The following RFX6 variants were observed in gnomAD, a reference collection of about 807,000 sequenced individuals.
The protein encoded by RFX6 is DNA-binding protein RFX6.
A neutral mutation model predicts 110.8 loss-of-function variants in RFX6; 50 were observed. The ratio of observed to expected loss-of-function variants is 0.45; its 90% confidence interval spans 0.36 to 0.57. RFX6 has a LOEUF of 0.57. Ranked by LOEUF, RFX6 falls within the 20% of genes least tolerant of loss-of-function variation. The pLI is 0.00. For missense variants in RFX6, 990 were observed against 1,127.0 expected (o/e 0.88, Z 1.74); for synonymous variants, 383 against 411.2 (o/e 0.93, Z 0.83).
At chr6:116,893,637 T>C (rs940555120) in intron 4 of RFX6, among the ~76,000 whole-genome samples, 5 of 152,334 alleles carry the variant, frequency 3.3e-5, no homozygotes, top group African/African-American at 1.2e-4. Context: ...AAATTCATGT[T>C]GAATCACCCA....
chr6:116,905,448 A>G (rs1479942923), intron 6 of RFX6, among the ~76,000 whole-genome samples: 1 of 152,174 alleles, frequency 6.6e-6, no homozygotes, highest in Non-Finnish European at 1.5e-5. Context: ...TTAATCCCTT[A>G]TGAAACATGA....
At chr6:116,887,315 T>A (rs1193566905) in intron 4 of RFX6, among the ~76,000 whole-genome samples, 1 of 152,094 alleles carries the variant, frequency 6.6e-6, no homozygotes, top group African/African-American at 2.4e-5. Context: ...CTAACAAGTG[T>A]GCTTTGGGGA....
chr6:116,923,883 C>G (rs1295589248), intron 14 of RFX6, among the ~76,000 whole-genome samples: 1 of 152,146 alleles, frequency 6.6e-6, no homozygotes, highest in African/African-American at 2.4e-5. Context: ...TGAGTAGTAA[C>G]TCTGCATTTG....
At chr6:116,883,851 A>G (rs183754048) in intron 4 of RFX6, among the ~76,000 whole-genome samples, 1 of 152,028 alleles carries the variant, frequency 6.6e-6, no homozygotes, top group African/African-American at 2.4e-5. Flanking sequence ...CATTCATGCA[A>G]TTTTTCCAAA....
rs1363007876 is a variant in RFX6, at chr6:116,877,287, C to G, written c.12C>G (p.Val4=). The change falls in exon 1 of 19, where the codon GTC becomes GTG. Residue 4 remains valine, a synonymous_variant. Transcript: ENST00000332958. MAK[V]PELEDTFLQA... ...CGGCGGCCAGGAGGATGGCCAAGGTCCCGGAGCTGGAAGACACCTTCCTGC... is the reference window on the plus strand; with the variant it reads ...CGGCGGCCAGGAGGATGGCCAAGGTGCCGGAGCTGGAAGACACCTTCCTGC... 1.2e-6 allele frequency: 2 copies of G among 1,610,884 alleles called. No individual in the cohort carries two copies. The highest frequency in any genetic ancestry group is 1.7e-6 in the Non-Finnish European group (2 of 1,178,930).
intron 5 of RFX6, 35 bp from the exon 6 acceptor site, chr6:116,895,145 G>A (rs1189315265): frequency 5.6e-6 from 7 of 1,256,442 alleles, no homozygotes; most frequent in Middle Eastern, 1.9e-4. Flanking sequence ...CTGTAATTTT[G>A]TTTGAACTAA....
In RFX6 at chr6:116,911,061, T is replaced by G; in HGVS notation, c.780+19T>G. On this transcript the variant is annotated intron_variant, in intron 7 of 18. Coordinates refer to ENST00000332958, the MANE Select transcript of RFX6 (RefSeq NM_173560.4). ...GGACAAGGTATCAATTACAGATACT[T>G]CTCTATTGATTTTCTGATATGTTGG... 1 of 1,479,720 alleles carries G rather than the reference T, an allele frequency of 6.8e-7. No individual in the cohort carries two copies. Among genetic ancestry groups the G allele is most frequent in the Non-Finnish European group, 9.5e-7 (1 of 1,057,632 alleles). The allele number at this position is 1,479,720 out of a possible 1,614,324, so 91.7% of individuals were successfully genotyped here.
chr6:116,900,028 G>C (rs1254051991), intron 6 of RFX6, among the ~76,000 whole-genome samples: 1 of 152,156 alleles, frequency 6.6e-6, no homozygotes, highest in Non-Finnish European at 1.5e-5. Flanking sequence ...ATAAACGCAT[G>C]AAGAAAGGAG....
intron 4 of RFX6, among the ~76,000 whole-genome samples, chr6:116,890,029 G>T (rs1174424515): frequency 9.4e-6 from 1 of 106,670 alleles, no homozygotes; most frequent in Non-Finnish European, 1.9e-5. Context: ...CATTACTCCT[G>T]CCAAACAAGA....
chr6:116,878,343 G>C (rs1774512225), intron 2 of RFX6, among the ~76,000 whole-genome samples: 1 of 152,068 alleles, frequency 6.6e-6, no homozygotes, highest in Admixed American at 6.6e-5. Context: ...AATGAGGAAG[G>C]ATCTTAACAC....
Position 116,927,556 on chromosome 6 carries a change from G to T in RFX6, c.2398+17G>T, listed in dbSNP as rs142448060. On this transcript the variant is annotated intron_variant, in intron 17 of 18. Coordinates refer to ENST00000332958, the MANE Select transcript of RFX6 (RefSeq NM_173560.4). ...CACCAAATGGTATTGATATTTAAAA[G>T]AATTTTTCTTGGTTTTTGAGATGGC... is the stretch of plus-strand genomic sequence containing the variant. 8.3e-4 allele frequency: 1,334 copies of T among 1,608,786 alleles called. 8 individuals carry two copies. The African/African-American group carries it at 0.015, about 18-fold the overall frequency.
chr6:116,905,939 C>A (rs1582523524), intron 6 of RFX6, among the ~76,000 whole-genome samples: 1 of 76,830 alleles, frequency 1.3e-5, no homozygotes. Flanking sequence ...ATGTTTCCTT[C>A]TAAACATGTT....
intron 1 of RFX6, 103 bp from the exon 2 acceptor site, chr6:116,877,693 C>G: frequency 1.6e-6 from 2 of 1,216,668 alleles, no homozygotes; most frequent in South Asian, 2.6e-5. Context: ...CCCCTCCGCC[C>G]CCACCCCAGT....
At chr6:116,897,980 A>C (rs1254799015) in intron 6 of RFX6, among the ~76,000 whole-genome samples, 1 of 152,156 alleles carries the variant, frequency 6.6e-6, no homozygotes, top group Non-Finnish European at 1.5e-5. Flanking sequence ...ATGAGAAGAC[A>C]AGAGGTTACC....
chr6:116,923,015 TAGAC>T (rs1432645534), intron 13 of RFX6, 88 bp from the exon 14 acceptor site: 7 of 778,280 alleles, frequency 9.0e-6, no homozygotes, highest in African/African-American at 1.7e-5. Context: ...GTCCATTTGT[TAGAC>T]AGTCTATTTA....
rs148284556 is a variant in RFX6, at chr6:116,904,382, C to A, written c.673-6553C>A. Among the ~76,000 whole-genome samples, 13 of 151,834 alleles carry A rather than the reference C, an allele frequency of 8.6e-5. 1 individual carries two copies. In the East Asian group the frequency reaches 2.5e-3, roughly 29 times the overall value. ...ATTTTATGGTTAGTACTTTTTATAT[C>A]TTGTTTTTTAAAAATTTGTGTATAT... On this transcript the variant is annotated intron_variant, in intron 6 of 18. Coordinates refer to ENST00000332958, the MANE Select transcript of RFX6 (RefSeq NM_173560.4).
At chr6:116,925,125 G>A (rs967217726) in intron 15 of RFX6, among the ~76,000 whole-genome samples, 2 of 152,218 alleles carry the variant, frequency 1.3e-5, no homozygotes, top group African/African-American at 4.8e-5. Flanking sequence ...TGTAAGTGGT[G>A]TAAAAATAAG....
intron 14 of RFX6, 78 bp from the exon 15 acceptor site, chr6:116,924,591 C>G: frequency 7.9e-7 from 1 of 1,272,992 alleles, no homozygotes; most frequent in Non-Finnish European, 1.1e-6. Context: ...TAACTGACTT[C>G]TCTTTCCCTT....
Position 116,916,288 on chromosome 6 carries a change from T to C in RFX6, c.946T>C (p.Cys316Arg), listed in dbSNP as rs777358163. 6.2e-7 allele frequency: 1 copy of C among 1,611,202 alleles called. No individual in the cohort carries two copies. Among genetic ancestry groups the C allele is most frequent in the Admixed American group, 1.7e-5 (1 of 59,962 alleles). ...AAATCCTGTTATCATTGATATTTTC[T>C]GTGTTTGTGACTCAATTCTTTATAA... ...LENPVIIDIF[C>R]VCDSILYKVL... is the part of the protein sequence containing the mutation. Residue 316 changes from cysteine (C) to arginine (R), a missense_variant, in exon 9 of 19, where the codon TGT (cysteine) becomes CGT (arginine). Physicochemically the swap from Cys to Arg is radical, Grantham distance 180. Around this residue, in one of 5 missense-constraint regions of RFX6, gnomAD observed 243 missense variants for 353.1 expected, o/e 0.69. Transcript: ENST00000332958.
Sources: allele counts gnomAD v4.1 joint callset (sites outside exome capture counted in the v4.1 genomes callset), GRCh38; gene constraint gnomAD v4.1.1; regional missense constraint gnomAD v4.1.1; transcripts MANE v1.5; gene names NCBI Gene and HGNC (gene_info 2026-07-23, HGNC 2026-07-21).